Variants in HMCN2 observed in about 807,000 individuals in gnomAD.
HMCN2 encodes the protein hemicentin 2.
HMCN2 carries 325 observed loss-of-function variants against 377.5 expected under a neutral mutation model. The ratio of observed to expected loss-of-function variants is 0.86; its 90% confidence interval spans 0.79 to 0.94. HMCN2 has a LOEUF of 0.94. Ranked by LOEUF, HMCN2 falls within the 40% of genes least tolerant of loss-of-function variation. The probability of loss-of-function intolerance (pLI) is 0.00; values close to 1 mark genes in which losing one functional copy is unlikely to be tolerated. For missense variants in HMCN2, 4,543 were observed against 4,725.3 expected (o/e 0.96, Z 1.13); for synonymous variants, 2,007 against 2,046.8 (o/e 0.98, Z 0.53).
At chr9:130,349,489 T>C in intron 28 of HMCN2, 48 bp from the exon 29 acceptor site, 2 of 1,293,026 alleles carry the variant, frequency 1.5e-6, no homozygotes, top group Non-Finnish European at 2.0e-6. Context: ...TAGGCGGGGC[T>C]TGCAGGGTTT....
intron 21 of HMCN2, 38 bp from the exon 22 acceptor site, chr9:130,327,272 T>G (rs2131421901): frequency 6.6e-6 from 1 of 152,530 alleles, no homozygotes; most frequent in African/African-American, 2.4e-5. Flanking sequence ...CCTAGTCCCC[T>G]CTGCCCTGCT....
rs548645852 is a variant in HMCN2 at position 130,347,694 on chromosome 9, A to T, written c.4024+334A>T. On this transcript the variant is annotated intron_variant, in intron 26 of 97. Transcript: ENST00000683500. The surrounding 1 kb of genome is among the most constrained non-coding windows in gnomAD (Gnocchi z 5.1). ...ACCTGGAATTCCATCAGTGTCTTTG[A>T]GATTGGTCTAGAGGTGAAGGCATTT... Among the ~76,000 whole-genome samples the T allele has an allele frequency of 1.9e-3, 295 of 152,046 alleles. 1 individual carries two copies. Among genetic ancestry groups the T allele is most frequent in the African/African-American group, 6.7e-3 (278 of 41,460 alleles).
intron 40 of HMCN2, 40 bp downstream of exon 40, chr9:130,363,030 C>T (rs1203622471): frequency 2.6e-5 from 26 of 982,738 alleles, no homozygotes; most frequent in South Asian, 9.4e-5. Flanking sequence ...TTCAGAGCAG[C>T]GGGGGAGATG....
At chr9:130,277,742 CCACCACCACCATCATCATCAT>C (rs1564739251) in intron 1 of HMCN2, among the ~76,000 whole-genome samples, 1 of 140,690 alleles carries the variant, frequency 7.1e-6, no homozygotes, top group African/African-American at 2.6e-5. Flanking sequence ...ATCATCATCA[CCACCACCACCATCATCATCAT>C]CACCACCACC....
In HMCN2 at chr9:130,388,494, G is replaced by C. The variant is rs1456965760; in HGVS notation, c.9477G>C (p.Gly3159=). The C allele has an allele frequency of 1.0e-6, 1 of 987,970 alleles. No individual in the cohort carries two copies. The allele number at this position is 987,970 out of a possible 1,614,324, so 61.2% of individuals were successfully genotyped here. A position where few individuals can be genotyped will look rare whatever the true frequency, so the allele number is the denominator to read the frequency against. Residue 3159 remains glycine (G), a synonymous_variant, in exon 62 of 98, where the codon GGG becomes GGC. Coordinates refer to ENST00000683500, the MANE Select transcript of HMCN2 (RefSeq NM_001291815.2). ...SPLVLTCDVS[G]VPAPTVTWLK... ...TGGTCCTGACCTGTGATGTGTCCGG[G>C]GTCCCTGCACCCACGGTCACTTGGC...
At position 130,385,646 on chromosome 9, in the gene HMCN2, A is replaced by G. The variant is rs1195651749; in HGVS notation, c.9193A>G (p.Thr3065Ala). Residue 3065 changes from threonine (T) to alanine (A), a missense_variant, in exon 60 of 98, where the codon ACA (threonine) becomes GCA (alanine). Transcript: ENST00000683500. ...VGDKAVLSCE[T>A]DALPEPTVTW... is the part of the protein sequence containing the mutation. ...GGACAAAGCTGTCCTGAGCTGCGAGACAGATGCGCTCCCTGAGCCAACTGT... is the reference window on the plus strand; with the variant it reads ...GGACAAAGCTGTCCTGAGCTGCGAGGCAGATGCGCTCCCTGAGCCAACTGT... 2 of 1,304,114 alleles carry G rather than the reference A, an allele frequency of 1.5e-6. No individual in the cohort carries two copies. Among genetic ancestry groups the G allele is most frequent in the East Asian group, 5.6e-5 (1 of 18,006 alleles). 80.8% of individuals were successfully genotyped at this position (1,304,114 alleles called of 1,614,324 possible).
intron 76 of HMCN2, among the ~76,000 whole-genome samples, chr9:130,400,013 A>G (rs115399933): frequency 0.01 from 1,565 of 152,300 alleles, 25 homozygotes; most frequent in African/African-American, 0.035. Context: ...CTCACGCCAG[A>G]CCTGCCTCAT....
Position 130,371,066 on chromosome 9 carries a change from C to T in HMCN2, c.7172C>T (p.Pro2391Leu). 1.0e-6 allele frequency: 1 copy of T among 985,944 alleles called. No individual in the cohort carries two copies. Among genetic ancestry groups the T allele is most frequent in the African/African-American group, 1.7e-5 (1 of 57,362 alleles). 61.1% of individuals were successfully genotyped at this position (985,944 alleles called of 1,614,324 possible). A position where few individuals can be genotyped will look rare whatever the true frequency, so the allele number is the denominator to read the frequency against. Reference protein sequence around the residue: ...LLCEAMGIPPPAIRWFRGEEP... With the variant: ...LLCEAMGIPPLAIRWFRGEEP... ...TGTGAAGCCATGGGGATCCCACCTC[C>T]AGCCATCCGCTGGTTCCGAGGGGAG... The change falls in exon 46 of 98, where the codon CCA (proline) becomes CTA (leucine). Residue 2391 changes from proline to leucine, a missense_variant. Pro to Leu is a moderately conservative substitution (Grantham distance 98, BLOSUM62 -3). Transcript: ENST00000683500.
Position 130,304,983 on chromosome 9 carries a change from C to T in HMCN2, c.1797C>T (p.Ser599=), listed in dbSNP as rs769407329. 31 of 470,246 alleles carry T rather than the reference C, an allele frequency of 6.6e-5. No homozygotes were observed. The highest frequency in any genetic ancestry group is 9.7e-5 in the Non-Finnish European group (22 of 226,400). The allele number at this position is 470,246 out of a possible 1,614,324, so 29.1% of individuals were successfully genotyped here. A position where few individuals can be genotyped will look rare whatever the true frequency, so the allele number is the denominator to read the frequency against. Residue 599 remains serine (S), a synonymous_variant, in exon 11 of 98, where the codon TCC becomes TCT. Coordinates refer to ENST00000683500, the MANE Select transcript of HMCN2 (RefSeq NM_001291815.2). This position sits in a 1 kb window ranked among gnomAD's most constrained non-coding sequence, Gnocchi z 4.3. ...ATGCCAATGGGGTCACAAGGGCATC[C>T]GTCTGGCTCCTGGTGCGAGGTGAGG... ...ASNANGVTRA[S]VWLLVREAPQ...
chr9:130,394,393 C>T lies in HMCN2; in HGVS notation c.10510C>T (p.His3504Tyr), dbSNP rs1207168988. The T allele has an allele frequency of 3.1e-6, 4 of 1,289,256 alleles. No individual in the cohort carries two copies. The highest frequency in any genetic ancestry group is 4.0e-6 in the Non-Finnish European group (4 of 988,554). 79.9% of individuals were successfully genotyped at this position (1,289,256 alleles called of 1,614,324 possible). Residue 3504 changes from histidine (H) to tyrosine (Y), a missense_variant, in exon 69 of 98, where the codon CAC becomes TAC. Physicochemically the swap from His to Tyr is moderately conservative, Grantham distance 83. Coordinates refer to ENST00000683500, the MANE Select transcript of HMCN2 (RefSeq NM_001291815.2). The surrounding 1 kb of genome is among the most constrained non-coding windows in gnomAD (Gnocchi z 5.1). ...TCCATGGTGGCTTGCAGAGCCCCCTCACATTGAGGACTCAGGCCAGCCTAC... is the reference window on the plus strand; with the variant it reads ...TCCATGGTGGCTTGCAGAGCCCCCTTACATTGAGGACTCAGGCCAGCCTAC... ...HFQLTVMEPP[H>Y]IEDSGQPTEL...
chr9:130,362,199 C>T (rs745971024), intron 39 of HMCN2, 34 bp downstream of exon 39: 2 of 985,126 alleles, frequency 2.0e-6, no homozygotes, highest in Non-Finnish European at 2.4e-6. Context: ...GCTCAACCTC[C>T]CTGCACCTCC....
rs1327485414 is a variant in HMCN2, at chr9:130,422,670, C to T, written c.13325C>T (p.Ala4442Val). The change falls in exon 87 of 98, where the codon GCA becomes GTA. Residue 4442 changes from alanine to valine, a missense_variant. Ala to Val is a moderately conservative substitution (Grantham distance 64). Coordinates refer to ENST00000683500, the MANE Select transcript of HMCN2 (RefSeq NM_001291815.2). This position sits in a 1 kb window ranked among gnomAD's most constrained non-coding sequence, Gnocchi z 4.2. ...CTCAACACCAGCGTGATGCAGGAGG[C>T]ACACTCCGGGGTCAGCAGCATCCAC... ...ATLNTSVMQEAHSGVSSIHSS... is the reference protein window; with the variant it reads ...ATLNTSVMQEVHSGVSSIHSS... The T allele has an allele frequency of 2.4e-5, 32 of 1,315,480 alleles. No homozygotes were observed. Among genetic ancestry groups the T allele is most frequent in the Non-Finnish European group, 2.9e-5 (30 of 1,024,814 alleles). 81.5% of individuals were successfully genotyped at this position (1,315,480 alleles called of 1,614,324 possible). A position where few individuals can be genotyped will look rare whatever the true frequency, so the allele number is the denominator to read the frequency against.
At chr9:130,280,253 C>T (rs1554925183) in intron 1 of HMCN2, among the ~76,000 whole-genome samples, 2 of 151,046 alleles carry the variant, frequency 1.3e-5, no homozygotes, top group Admixed American at 1.3e-4. Flanking sequence ...AGCTCCGCCT[C>T]CCGGGTTCAC....
intron 52 of HMCN2, among the ~76,000 whole-genome samples, 173 bp downstream of exon 52, chr9:130,376,831 C>T (rs1220519208): frequency 3.9e-5 from 6 of 152,160 alleles, no homozygotes; most frequent in Non-Finnish European, 8.8e-5. Context: ...GAGTGTTGCT[C>T]TGTCACCAAG....
At position 130,394,979 on chromosome 9, in the gene HMCN2, C is replaced by CG. The variant is rs1588387354; in HGVS notation, c.10693-45dup. On this transcript the variant is annotated intron_variant, in intron 69 of 97. Transcript: ENST00000683500. The surrounding 1 kb of genome is among the most constrained non-coding windows in gnomAD (Gnocchi z 5.1). ...ATGAGAAAGAAACCAGATTGGGAGGCGGGCAGAGAGGGGCCAGGGGCAGCT... is the reference window on the plus strand; with the variant it reads ...ATGAGAAAGAAACCAGATTGGGAGGCGGGGCAGAGAGGGGCCAGGGGCAGCT... 6 of 1,166,594 alleles carry CG rather than the reference C, an allele frequency of 5.1e-6. No homozygotes were observed. Among genetic ancestry groups the CG allele is most frequent in the Non-Finnish European group, 6.7e-6 (6 of 890,900 alleles). The allele number at this position is 1,166,594 out of a possible 1,614,324, so 72.3% of individuals were successfully genotyped here.
In HMCN2 at chr9:130,304,606, C is replaced by G; in HGVS notation, c.1544-124C>G. 1 of 365,510 alleles carries G rather than the reference C, an allele frequency of 2.7e-6. No homozygotes were observed. Among genetic ancestry groups the G allele is most frequent in the South Asian group, 2.0e-5 (1 of 51,006 alleles). 22.6% of individuals were successfully genotyped at this position (365,510 alleles called of 1,614,324 possible). A position where few individuals can be genotyped will look rare whatever the true frequency, so the allele number is the denominator to read the frequency against. On this transcript the variant is annotated intron_variant, in intron 10 of 97. Transcript: ENST00000683500. The surrounding 1 kb of genome is among the most constrained non-coding windows in gnomAD (Gnocchi z 4.3). The stretch of plus-strand genomic sequence containing the variant: ...ACCCTATGCTGCTAGCTGACATGTC[C>G]TGAATGATCTGGTTCGGGTGGGCCT...
intron 96 of HMCN2, among the ~76,000 whole-genome samples, 179 bp downstream of exon 96, chr9:130,431,665 C>T (rs571745321): frequency 1.8e-4 from 28 of 152,328 alleles, no homozygotes; most frequent in African/African-American, 6.0e-4. Flanking sequence ...CCCACAGCCA[C>T]GCCAGGGCCC....
chr9:130,416,953 C>G (rs1843727276), intron 85 of HMCN2, among the ~76,000 whole-genome samples: 2 of 151,808 alleles, frequency 1.3e-5, no homozygotes, highest in Non-Finnish European at 2.9e-5. Flanking sequence ...CACTCTGTTG[C>G]CCAGGCTGGA....
At chr9:130,301,183 A>C (rs555691675) in intron 8 of HMCN2, among the ~76,000 whole-genome samples, 1 of 152,320 alleles carries the variant, frequency 6.6e-6, no homozygotes, top group East Asian at 1.9e-4. Flanking sequence ...GGAGAGCTGG[A>C]GACCTCTTCT....
Sources: gnomAD v4.1 joint callset for allele counts (sites outside exome capture counted in the v4.1 genomes callset) on GRCh38, gnomAD v4.1.1 for gene constraint, Gnocchi (gnomAD v3.1) non-coding constraint, MANE v1.5 for transcripts, NCBI Gene and HGNC (gene_info 2026-07-23, HGNC 2026-07-21) for gene names.